Variants in HCRTR2 observed in about 807,000 individuals in gnomAD.
The protein encoded by HCRTR2 is orexin receptor type 2.
HCRTR2 carries 22 observed loss-of-function variants against 49.0 expected under a neutral mutation model. The ratio of observed to expected loss-of-function variants is 0.45; its 90% CI spans 0.32 to 0.64. The LOEUF is 0.64. HCRTR2 is among the 30% of genes least tolerant of loss of function. The probability of loss-of-function intolerance (pLI) is 0.04; values close to 1 mark genes in which losing one functional copy is unlikely to be tolerated. For missense variants in HCRTR2, 491 were observed against 559.4 expected (o/e 0.88, Z 1.23); for synonymous variants, 236 against 205.3 (o/e 1.15, Z -1.28).
intron 1 of HCRTR2, among the ~76,000 whole-genome samples, chr6:55,224,872 T>C (rs1399188931): frequency 1.3e-5 from 2 of 152,086 alleles, no homozygotes; most frequent in African/African-American, 2.4e-5. Flanking sequence ...AAGATGTGGT[T>C]GGGGAAACGG....
In HCRTR2 at chr6:55,180,018, G is replaced by T. The variant is rs545343581; in HGVS notation, c.223+5208G>T. 1.2e-4 allele frequency among the ~76,000 whole-genome samples: 19 copies of T among 152,282 alleles called. No homozygotes were observed. In the South Asian group the frequency reaches 1.9e-3, roughly 15 times the overall value. Reference sequence around the variant, plus strand: ...TGTTTCAGTCAATGACATGTGATTGGTGAAGCTGACGGTATTTGTCTTCAG... The same window carrying T: ...TGTTTCAGTCAATGACATGTGATTGTTGAAGCTGACGGTATTTGTCTTCAG... On this transcript the variant is annotated intron_variant, in intron 1 of 6. Transcript: ENST00000370862.
intron 1 of HCRTR2, among the ~76,000 whole-genome samples, chr6:55,186,307 T>C (rs1765215123): frequency 6.6e-6 from 1 of 152,210 alleles, no homozygotes; most frequent in Admixed American, 6.5e-5. Flanking sequence ...TTTAAATTTC[T>C]TCTATATAAA....
intron 1 of HCRTR2, among the ~76,000 whole-genome samples, chr6:55,124,034 G>A (rs1210009241): frequency 6.6e-6 from 1 of 151,268 alleles, no homozygotes; most frequent in East Asian, 1.9e-4. Flanking sequence ...TGTCTGTCTA[G>A]CAGTCTATTT....
chr6:55,200,963 T>A (rs1429092826), intron 1 of HCRTR2, among the ~76,000 whole-genome samples: 1 of 152,152 alleles, frequency 6.6e-6, no homozygotes, highest in Non-Finnish European at 1.5e-5. Flanking sequence ...TCCTCTTTCC[T>A]ATCAGAGAAT....
At chr6:55,237,666 C>T (rs1766239535) in intron 1 of HCRTR2, among the ~76,000 whole-genome samples, 1 of 152,172 alleles carries the variant, frequency 6.6e-6, no homozygotes, top group African/African-American at 2.4e-5. Context: ...GGATATTGGC[C>T]TTTGATGTCC....
chr6:55,134,725 A>G (rs1470236745), intron 1 of HCRTR2, among the ~76,000 whole-genome samples: 2 of 151,936 alleles, frequency 1.3e-5, no homozygotes, highest in Non-Finnish European at 2.9e-5. Context: ...GCGACATCAT[A>G]CAGTATTTGT....
intron 1 of HCRTR2, among the ~76,000 whole-genome samples, chr6:55,147,089 C>G (rs1764589550): frequency 6.6e-6 from 1 of 152,138 alleles, no homozygotes; most frequent in South Asian, 2.1e-4. Context: ...ATATTTAAAA[C>G]TATTACATAC....
At chr6:55,161,456 T>A (rs933183269) in intron 1 of HCRTR2, among the ~76,000 whole-genome samples, 1 of 151,752 alleles carries the variant, frequency 6.6e-6, no homozygotes, top group Non-Finnish European at 1.5e-5. Flanking sequence ...ATTCAAAAGC[T>A]AGCAGAAGAC....
chr6:55,174,670 T>G lies in HCRTR2; in HGVS notation c.83T>G (p.Phe28Cys). The G allele has an allele frequency of 6.2e-7, 1 of 1,614,044 alleles. No individual in the cohort carries two copies. Among genetic ancestry groups the G allele is most frequent in the Non-Finnish European group, 8.5e-7 (1 of 1,179,996 alleles). Residue 28 changes from phenylalanine to cysteine, a missense_variant, in exon 1 of 7, where the codon TTT (phenylalanine) becomes TGT (cysteine). Phe to Cys is a radical substitution (Grantham distance 205). Transcript: ENST00000370862. ...GAGCTGAATGAAACTCAAGAGCCCT[T>G]TTTAAACCCCACCGACTATGACGAC... ...ASELNETQEP[F>C]LNPTDYDDEE...
Position 55,248,797 on chromosome 6 carries a change from A to G in HCRTR2, c.382A>G (p.Lys128Glu). The stretch of plus-strand genomic sequence containing the variant: ...CTGGTTTTTTGGACAGTCCCTTTGC[A>G]AAGTGATTCCTTATCTACAGGTAAT... ...ETWFFGQSLC[K>E]VIPYLQTVSV... Residue 128 changes from lysine (K) to glutamate (E), a missense_variant, in exon 2 of 7, where the codon AAA becomes GAA. Transcript: ENST00000370862. The G allele has an allele frequency of 6.2e-7, 1 of 1,613,280 alleles. No homozygotes were observed. The highest frequency in any genetic ancestry group is 8.5e-7 in the Non-Finnish European group (1 of 1,179,366).
chr6:55,147,835 T>C (rs1764615622), intron 1 of HCRTR2, among the ~76,000 whole-genome samples: 1 of 152,218 alleles, frequency 6.6e-6, no homozygotes, highest in African/African-American at 2.4e-5. Flanking sequence ...AAAGATGTTT[T>C]AGTGAAATTA....
intron 1 of HCRTR2, among the ~76,000 whole-genome samples, chr6:55,241,441 A>G (rs189624841): frequency 4.6e-5 from 7 of 152,076 alleles, no homozygotes; most frequent in South Asian, 2.1e-4. Context: ...ACTACAGTAT[A>G]TTTTTCCAAG....
intron 1 of HCRTR2, among the ~76,000 whole-genome samples, chr6:55,202,895 C>T (rs1222482812): frequency 6.6e-6 from 1 of 152,158 alleles, no homozygotes; most frequent in Non-Finnish European, 1.5e-5. Context: ...ACTCTCCCTG[C>T]CACCCAACGC....
At chr6:55,192,660 G>C (rs1387440188) in intron 1 of HCRTR2, among the ~76,000 whole-genome samples, 1 of 152,110 alleles carries the variant, frequency 6.6e-6, no homozygotes, top group Non-Finnish European at 1.5e-5. Flanking sequence ...ATAGAACATT[G>C]ATAAGTAAGG....
intron 4 of HCRTR2, among the ~76,000 whole-genome samples, chr6:55,271,683 T>C (rs1209742247): frequency 1.3e-5 from 2 of 152,082 alleles, no homozygotes; most frequent in African/African-American, 4.8e-5. Flanking sequence ...TATGAATTAA[T>C]AATTTAAAAA....
At chr6:55,145,559 C>A (rs554647472) in intron 1 of HCRTR2, among the ~76,000 whole-genome samples, 1 of 152,038 alleles carries the variant, frequency 6.6e-6, no homozygotes, top group Admixed American at 6.5e-5. Context: ...TACAGACGCC[C>A]GCCACCGTGC....
intron 1 of HCRTR2, among the ~76,000 whole-genome samples, chr6:55,247,071 AT>A (rs1369914014): frequency 2.1e-4 from 32 of 152,064 alleles, no homozygotes; most frequent in African/African-American, 7.7e-4. Flanking sequence ...CAGAAATATA[AT>A]ATTTTTGCCA....
intron 4 of HCRTR2, among the ~76,000 whole-genome samples, chr6:55,273,628 A>G (rs1283346031): frequency 6.6e-6 from 1 of 152,070 alleles, no homozygotes; most frequent in African/African-American, 2.4e-5. Context: ...TTTCTAAAGA[A>G]TATATATTTT....
At chr6:55,144,099 CTTTTTTTTTTTTTTTT>C (rs530138605) in intron 1 of HCRTR2, among the ~76,000 whole-genome samples, 60 of 85,380 alleles carry the variant, frequency 7.0e-4, no homozygotes, top group Middle Eastern at 9.3e-3. Flanking sequence ...CCCGTCCTGC[CTTTTTTTTTTTTTTTT>C]TTTTTTTTTT....
Sources: gnomAD v4.1 joint callset for allele counts (sites outside exome capture counted in the v4.1 genomes callset) on GRCh38, gnomAD v4.1.1 for gene constraint, MANE v1.5 for transcripts, NCBI Gene and HGNC (gene_info 2026-07-23, HGNC 2026-07-21) for gene names.